TENM3: variants seen among roughly 807,000 people sequenced by gnomAD.
TENM3 encodes the protein teneurin-3.
In TENM3, 63 loss-of-function variants were observed where a neutral mutation model predicts 255.1. The ratio of observed to expected loss-of-function variants is 0.25; its 90% CI spans 0.20 to 0.30. The LOEUF (loss-of-function observed/expected upper bound fraction) is 0.30. Ranked by LOEUF, TENM3 falls within the 10% of genes least tolerant of loss-of-function variation. The pLI is 1.00. For missense variants in TENM3, 2,929 were observed against 3,461.1 expected, an observed-to-expected ratio of 0.85 and a Z score of 3.86; for synonymous variants, 1,306 against 1,322.3, an observed-to-expected ratio of 0.99 and a Z score of 0.27.
chr4:182,746,939 A>G (rs1205261402), intron 19 of TENM3, among the ~76,000 whole-genome samples: 2 of 152,200 alleles, frequency 1.3e-5, no homozygotes, highest in African/African-American at 4.8e-5. Context: ...AAGTCAACAT[A>G]TTTTAGTTCA....
At chr4:181,746,684 A>G in the TENM3 span, among the ~76,000 whole-genome samples, 11 of 152,086 alleles carry the variant, frequency 7.2e-5, no homozygotes, top group African/African-American at 2.7e-4. Context: ...TTCCCTATGC[A>G]GAAATCTATT....
At chr4:182,017,005 A>G in the TENM3 span, among the ~76,000 whole-genome samples, 2 of 152,364 alleles carry the variant, frequency 1.3e-5, no homozygotes, top group Admixed American at 1.3e-4. Flanking sequence ...AAATTTGCCA[A>G]ATACACCCTC....
At chr4:182,349,318 A>G (rs953716264) in intron 3 of TENM3, among the ~76,000 whole-genome samples, 1 of 152,246 alleles carries the variant, frequency 6.6e-6, no homozygotes, top group African/African-American at 2.4e-5. Context: ...CGTTGTCTTA[A>G]TGAATACTGG....
rs114765003 is a variant in TENM3 at position 182,372,884 on chromosome 4, A to G, written c.511+25955A>G. 8.3e-3 allele frequency among the ~76,000 whole-genome samples: 1,269 copies of G among 152,136 alleles called. 11 individuals carry two copies. Among genetic ancestry groups the G allele is most frequent in the African/African-American group, 0.029 (1,222 of 41,488 alleles). ...GCTGGGACTATAGGCACGTGCCACC[A>G]CACCTGGTTATTTTATTTATTTATT... is the stretch of plus-strand genomic sequence containing the variant. On this transcript the variant is annotated intron_variant, in intron 3 of 27. Transcript: ENST00000511685.
chr4:182,750,483 A>G (rs1186397280), intron 19 of TENM3, among the ~76,000 whole-genome samples: 7 of 152,170 alleles, frequency 4.6e-5, no homozygotes, highest in African/African-American at 1.7e-4. Flanking sequence ...AATTTTAAGA[A>G]TAGAATCTCT....
chr4:182,185,477 T>A (rs551756918), intron 1 of TENM3, among the ~76,000 whole-genome samples: 5 of 152,208 alleles, frequency 3.3e-5, no homozygotes, highest in African/African-American at 4.8e-5. Flanking sequence ...GCTCAGCATT[T>A]GAGCAAAGAA....
chr4:181,489,170 G>C, the TENM3 span, among the ~76,000 whole-genome samples: 1 of 152,300 alleles, frequency 6.6e-6, no homozygotes. Context: ...CCTCTGGCCT[G>C]AAAACCTCAA....
the TENM3 span, among the ~76,000 whole-genome samples, chr4:181,562,756 C>A: frequency 1.3e-5 from 2 of 151,532 alleles, no homozygotes; most frequent in Admixed American, 6.6e-5. Context: ...CTCACTGCAA[C>A]CTCTGCCTCC....
the TENM3 span, among the ~76,000 whole-genome samples, chr4:181,524,975 A>G: frequency 2.6e-5 from 4 of 152,312 alleles, no homozygotes; most frequent in East Asian, 7.7e-4. Flanking sequence ...GTATTTCCCT[A>G]ACACCAGATG....
At chr4:182,369,230 T>C (rs1013982910) in intron 3 of TENM3, among the ~76,000 whole-genome samples, 2 of 152,196 alleles carry the variant, frequency 1.3e-5, no homozygotes, top group African/African-American at 2.4e-5. Context: ...TCAACACTTA[T>C]TATGTTTAAT....
the TENM3 span, among the ~76,000 whole-genome samples, chr4:181,894,533 C>T: frequency 0.017 from 2,632 of 152,182 alleles, 31 homozygotes; most frequent in Non-Finnish European, 0.027. Context: ...TTACTACTGT[C>T]AGGGAGTATG....
intron 3 of TENM3, among the ~76,000 whole-genome samples, chr4:182,425,786 G>A (rs1290511368): frequency 6.6e-6 from 1 of 152,106 alleles, no homozygotes; most frequent in Non-Finnish European, 1.5e-5. Flanking sequence ...GAGGCAGGCG[G>A]ATCACGAGGT....
At chr4:182,185,142 G>A (rs1015929064) in intron 1 of TENM3, among the ~76,000 whole-genome samples, 1 of 152,058 alleles carries the variant, frequency 6.6e-6, no homozygotes, top group African/African-American at 2.4e-5. Context: ...TCAAAAAACG[G>A]ATTGCAAATG....
At chr4:182,201,183 C>G (rs554865778) in intron 1 of TENM3, among the ~76,000 whole-genome samples, 6 of 152,166 alleles carry the variant, frequency 3.9e-5, no homozygotes, top group South Asian at 2.1e-4. Flanking sequence ...CCAGATAGTA[C>G]GTTAGAAAAA....
At chr4:181,632,472 G>A in the TENM3 span, among the ~76,000 whole-genome samples, 1 of 152,156 alleles carries the variant, frequency 6.6e-6, no homozygotes, top group South Asian at 2.1e-4. Flanking sequence ...GCTTTTAAAA[G>A]AGCTTTGCAA....
At chr4:182,464,856 CTA>C (rs1411585334) in intron 3 of TENM3, among the ~76,000 whole-genome samples, 3 of 152,050 alleles carry the variant, frequency 2.0e-5, no homozygotes, top group Non-Finnish European at 4.4e-5. Flanking sequence ...ATAAATAAGA[CTA>C]ATAAAATTTT....
At chr4:181,856,663 G>T in the TENM3 span, among the ~76,000 whole-genome samples, 3 of 152,190 alleles carry the variant, frequency 2.0e-5, no homozygotes, top group African/African-American at 4.8e-5. Flanking sequence ...ATGACTTCTT[G>T]GTGTGGCGTG....
intron 5 of TENM3, among the ~76,000 whole-genome samples, chr4:182,639,427 CTCT>C (rs1032329806): frequency 3.8e-4 from 58 of 152,110 alleles, no homozygotes; most frequent in South Asian, 2.7e-3. Context: ...TTAATTTTAG[CTCT>C]TCTTCTTCTT....
intron 1 of TENM3, among the ~76,000 whole-genome samples, chr4:182,310,227 ATT>A (rs1435317776): frequency 6.6e-6 from 1 of 151,818 alleles, no homozygotes; most frequent in African/African-American, 2.4e-5. Flanking sequence ...TCTTATTTTT[ATT>A]TATTTATTTT....
Sources: allele counts gnomAD v4.1 joint callset (sites outside exome capture counted in the v4.1 genomes callset), GRCh38; gene constraint gnomAD v4.1.1; transcripts MANE v1.5; gene names NCBI Gene and HGNC (gene_info 2026-07-23, HGNC 2026-07-21).